Variants in TNRC18 observed in about 807,000 individuals in gnomAD.
The protein encoded by TNRC18 is trinucleotide repeat-containing gene 18 protein.
TNRC18 carries 69 observed loss-of-function variants against 226.7 expected under a neutral mutation model. The observed-to-expected ratio is 0.30, with a 90% CI of 0.25 to 0.37. The LOEUF (loss-of-function observed/expected upper bound fraction) is 0.37, where lower values mean the gene tolerates loss of function less well. TNRC18 is among the 10% of genes least tolerant of loss of function. TNRC18 has a pLI of 1.00. For missense variants in TNRC18, 4,754 were observed against 4,256.6 expected, an observed-to-expected ratio of 1.12 and a Z score of -3.25; for synonymous variants, 2,449 against 1,927.6, an observed-to-expected ratio of 1.27 and a Z score of -7.09.
chr7:5,345,470 T>A lies in TNRC18; in HGVS notation c.5719+92A>T, dbSNP rs928397194. ...GCCCATTCCCAGCTCTGCACCTGCA[T>A]CTCTGAGCCTCAGTTTCCTCACCTG... is the stretch of plus-strand genomic sequence containing the variant. On this transcript the variant is annotated intron_variant, in intron 18 of 29. Coordinates refer to ENST00000430969, the MANE Select transcript of TNRC18 (RefSeq NM_001080495.3). 53 of 1,269,604 alleles carry A rather than the reference T, an allele frequency of 4.2e-5. No individual in the cohort carries two copies. In the Middle Eastern group the frequency reaches 2.2e-3, roughly 52 times the overall value. 78.6% of individuals were successfully genotyped at this position (1,269,604 alleles called of 1,614,324 possible).
rs79076643 is a variant in TNRC18, at chr7:5,362,505, G to C, written c.4395+145C>G. On this transcript the variant is annotated intron_variant, in intron 12 of 29. Coordinates refer to ENST00000430969, the MANE Select transcript of TNRC18 (RefSeq NM_001080495.3). ...GCAACCACTTGACTGGGACCACACA[G>C]CACATCAGCACAAGGAGCTGAACGT... 6.7e-6 allele frequency: 5 copies of C among 741,836 alleles called. No homozygotes were observed. In the African/African-American group the frequency reaches 9.0e-5, roughly 13 times the overall value. The allele number at this position is 741,836 out of a possible 1,614,324, so 46.0% of individuals were successfully genotyped here.
chr7:5,388,941 CG>C lies in TNRC18; in HGVS notation c.882del (p.Ala295ArgfsTer295). 1 of 1,384,888 alleles carries C rather than the reference CG, an allele frequency of 7.2e-7. No homozygotes were observed. 85.8% of individuals were successfully genotyped at this position (1,384,888 alleles called of 1,614,324 possible). On this transcript the variant is annotated frameshift_variant, in exon 5 of 30. Coordinates refer to ENST00000430969, the MANE Select transcript of TNRC18 (RefSeq NM_001080495.3). LOFTEE classifies it high-confidence loss of function. ...CCGCGCCCCGCTTCGGCCACCAGCG[CG>C]GGCAGCCCCACGTCCCCGGCGCCGC... Reference protein sequence around the residue: ...CNGGAGDVGLPALVAEAGRGG... With the variant: ...CNGGAGDVGLXALVAEAGRGG...
chr7:5,395,414 G>A (rs908630180), intron 2 of TNRC18, among the ~76,000 whole-genome samples: 1 of 152,106 alleles, frequency 6.6e-6, no homozygotes, highest in Non-Finnish European at 1.5e-5. Context: ...GCAGGGCCTG[G>A]GTGGAAGCCA....
Position 5,370,819 on chromosome 7 carries a change from C to G in TNRC18, c.3775G>C (p.Glu1259Gln). The G allele has an allele frequency of 1.2e-6, 2 of 1,609,246 alleles. No individual in the cohort carries two copies. The highest frequency in any genetic ancestry group is 1.7e-6 in the Non-Finnish European group (2 of 1,179,242). The change falls in exon 11 of 30, where the codon GAG (glutamate) becomes CAG (glutamine). Residue 1259 changes from glutamate (E) to glutamine (Q), a missense_variant. Transcript: ENST00000430969. ...GCCACAGGCACCTCCACCGGCTCCT[C>G]CTTGGCCTCCACCAGTGTCTCGGGT... is the stretch of plus-strand genomic sequence containing the variant. The part of the protein sequence containing the change: ...LTPETLVEAK[E>Q]EPVEVPVAVP...
chr7:5,398,452 G>A (rs1780854213), intron 2 of TNRC18, among the ~76,000 whole-genome samples: 1 of 152,162 alleles, frequency 6.6e-6, no homozygotes, highest in South Asian at 2.1e-4. Flanking sequence ...TTACAGGCGT[G>A]AGCCACCGTG....
At chr7:5,329,947 C>T in intron 19 of TNRC18, 1 of 471,080 alleles carries the variant, frequency 2.1e-6, no homozygotes, top group Non-Finnish European at 4.4e-6. Flanking sequence ...CCAGTGTCTG[C>T]CTTTTGATAC....
rs1248213703 is a variant in TNRC18, at chr7:5,376,992, G to A, written c.2463C>T (p.Gly821=). 1 of 1,576,828 alleles carries A rather than the reference G, an allele frequency of 6.3e-7. No individual in the cohort carries two copies. The highest frequency in any genetic ancestry group is 1.3e-5 in the African/African-American group (1 of 74,250). Residue 821 remains glycine, a splice_region_variant and synonymous_variant, in exon 8 of 30, where the codon GGC becomes GGT. Coordinates refer to ENST00000430969, the MANE Select transcript of TNRC18 (RefSeq NM_001080495.3). ...CCTGGTGCAGAGATGGGGGACCCAA[G>A]CCTAGGAGGAGAAGCCCAGGCCTGA... ...ASMWLAGHPY[G]LGPPSLHQGM...
At chr7:5,334,560 G>C (rs1352970853) in intron 18 of TNRC18, among the ~76,000 whole-genome samples, 1 of 151,778 alleles carries the variant, frequency 6.6e-6, no homozygotes, top group Non-Finnish European at 1.5e-5. Context: ...GCCTCCCAAA[G>C]TGCTGGGATT....
At position 5,320,607 on chromosome 7, in the gene TNRC18, T is replaced by A; in HGVS notation, c.6561A>T (p.Ile2187=). ...GHVQTVHSPD[I]YRVVVEGERG... Reference sequence around the variant, plus strand: ...GCTCACCCTCCACCACCACGCGGTATCTGTAGGAGCAAACGAGGCGTGAGG... The same window carrying A: ...GCTCACCCTCCACCACCACGCGGTAACTGTAGGAGCAAACGAGGCGTGAGG... Residue 2187 remains isoleucine (I), a splice_region_variant and synonymous_variant, in exon 23 of 30, where the codon ATA becomes ATT. Transcript: ENST00000430969. 1 of 1,611,200 alleles carries A rather than the reference T, an allele frequency of 6.2e-7. No individual in the cohort carries two copies.
intron 5 of TNRC18, among the ~76,000 whole-genome samples, chr7:5,386,846 G>A (rs1584017895): frequency 6.6e-6 from 1 of 151,968 alleles, no homozygotes; most frequent in Admixed American, 6.6e-5. Context: ...AGGCTGAGAT[G>A]GGCGGATCAC....
At position 5,357,340 on chromosome 7, in the gene TNRC18, C is replaced by G. The variant is rs2128155473; in HGVS notation, c.4834-64G>C. 2.7e-6 allele frequency: 4 copies of G among 1,505,888 alleles called. No homozygotes were observed. The South Asian group carries it at 5.2e-5, about 19-fold the overall frequency. The allele number at this position is 1,505,888 out of a possible 1,614,324, so 93.3% of individuals were successfully genotyped here. The stretch of plus-strand genomic sequence containing the variant: ...CAAAACAGTATAGTGGGTTTCAGTG[C>G]ACATGCTCTGCCCAGCCTGGGCTCC... On this transcript the variant is annotated intron_variant, in intron 15 of 29. Coordinates refer to ENST00000430969, the MANE Select transcript of TNRC18 (RefSeq NM_001080495.3).
chr7:5,347,791 C>T (rs1192979622), intron 17 of TNRC18, among the ~76,000 whole-genome samples: 2 of 152,064 alleles, frequency 1.3e-5, no homozygotes, highest in East Asian at 2.0e-4. Context: ...CCCATCTCTA[C>T]TAAAAATACA....
At position 5,421,103 on chromosome 7, in the gene TNRC18, C is replaced by T. The variant is rs764575387; in HGVS notation, c.144G>A (p.Pro48=). The stretch of plus-strand genomic sequence containing the variant: ...TCAGGCCGGCCATGTACTTCCCGGG[C>T]GGCAGCGGGCCGGGCAAGCCCGAGG... The part of the protein sequence containing the change: ...LPASGLPGPL[P]PGKYMAGLNL... The change falls in exon 2 of 30, where the codon CCG becomes CCA. Residue 48 remains proline, a synonymous_variant. Transcript: ENST00000430969. The T allele has an allele frequency of 1.2e-4, 174 of 1,474,338 alleles. 2 individuals carry two copies. The highest frequency in any genetic ancestry group is 2.7e-6 in the Non-Finnish European group (3 of 1,103,672). 91.3% of individuals were successfully genotyped at this position (1,474,338 alleles called of 1,614,324 possible).
intron 9 of TNRC18, among the ~76,000 whole-genome samples, chr7:5,375,256 C>T (rs1273245399): frequency 6.6e-6 from 1 of 152,124 alleles, no homozygotes; most frequent in Non-Finnish European, 1.5e-5. Context: ...TTGCAGTGAC[C>T]CGAGATAGTA....
rs1788306300 is a variant in TNRC18 at position 5,321,081 on chromosome 7, C to T, written c.6552G>A (p.Ser2184=). The T allele has an allele frequency of 9.7e-6, 15 of 1,544,650 alleles. No homozygotes were observed. The highest frequency in any genetic ancestry group is 1.3e-5 in the Non-Finnish European group (15 of 1,142,562). The change falls in exon 22 of 30, where the codon TCG becomes TCA. Residue 2184 remains serine, a synonymous_variant. Transcript: ENST00000430969. The stretch of plus-strand genomic sequence containing the variant: ...CCTCCCACCCCACTCACATGTCTGG[C>T]GAGTGCACGGTCTGCACGTGCCCGG... The part of the protein sequence containing the change: ...LYAGHVQTVH[S]PDIYRVVVEG...
intron 2 of TNRC18, among the ~76,000 whole-genome samples, chr7:5,396,291 T>C (rs1780683481): frequency 1.3e-5 from 2 of 151,546 alleles, no homozygotes; most frequent in South Asian, 4.2e-4. Flanking sequence ...GAGGTTGCAG[T>C]GAGCTGAGAT....
In TNRC18 at chr7:5,370,926, A is replaced by G. The variant is rs1794086574; in HGVS notation, c.3668T>C (p.Val1223Ala). 2 of 1,605,440 alleles carry G rather than the reference A, an allele frequency of 1.2e-6. No homozygotes were observed. Among genetic ancestry groups the G allele is most frequent in the South Asian group, 2.2e-5 (2 of 91,066 alleles). The change falls in exon 11 of 30, where the codon GTG (valine) becomes GCG (alanine). Residue 1223 changes from valine to alanine, a missense_variant. Physicochemically the swap from Val to Ala is moderately conservative, Grantham distance 64. Transcript: ENST00000430969. ...CAEPSECPDF[V>A]EGPEPRVDSP... ...ATCCACCCGTGGTTCAGGCCCCTCC[A>G]CAAAGTCTGGACACTCAGAGGGCTC...
In TNRC18 at chr7:5,362,684, T is replaced by C. The variant is rs754202466; in HGVS notation, c.4361A>G (p.Lys1454Arg). ...LRLPRELKPNKKYSWMRKKEE... is the reference protein window; with the variant it reads ...LRLPRELKPNRKYSWMRKKEE... ...CTTCTTGCGCATCCAGCTGTACTTC[T>C]TGTTGGGCTTCAGCTCCCGCGGGAG... Residue 1454 changes from lysine (K) to arginine (R), a missense_variant, in exon 12 of 30, where the codon AAG (lysine) becomes AGG (arginine). Lys to Arg is a conservative substitution (Grantham distance 26, BLOSUM62 2). Coordinates refer to ENST00000430969, the MANE Select transcript of TNRC18 (RefSeq NM_001080495.3). 39 of 1,588,820 alleles carry C rather than the reference T, an allele frequency of 2.5e-5. 1 individual carries two copies. The South Asian group carries it at 4.1e-4, about 17-fold the overall frequency.
intron 2 of TNRC18, among the ~76,000 whole-genome samples, chr7:5,417,314 C>T (rs1782254306): frequency 6.6e-6 from 1 of 152,014 alleles, no homozygotes; most frequent in African/African-American, 2.4e-5. Context: ...CTAAAAAATA[C>T]AAAAACTTAG....
Sources: allele counts gnomAD v4.1 joint callset (sites outside exome capture counted in the v4.1 genomes callset), GRCh38; gene constraint gnomAD v4.1.1; transcripts MANE v1.5; gene names NCBI Gene and HGNC (gene_info 2026-07-23, HGNC 2026-07-21).